Variants in POLA1 observed in about 807,000 individuals in gnomAD.
The protein encoded by POLA1 is DNA polymerase alpha 1, catalytic subunit, also known as DNA polymerase alpha catalytic subunit.
In POLA1, 15 loss-of-function variants were observed where a neutral mutation model predicts 124.0. The ratio of observed to expected loss-of-function variants is 0.12; its 90% confidence interval spans 0.08 to 0.19. The LOEUF (loss-of-function observed/expected upper bound fraction) is 0.19, where lower values mean the gene tolerates loss of function less well. Ranked by LOEUF, POLA1 falls within the 10% of genes least tolerant of loss-of-function variation. POLA1 has a pLI of 1.00. For missense variants in POLA1, 886 were observed against 1,103.4 expected (o/e 0.80, Z 2.79); for synonymous variants, 408 against 389.4 (o/e 1.05, Z -0.56).
chrX:24,728,504 A>G (rs1930684160), intron 15 of POLA1, among the ~76,000 whole-genome samples: 1 of 112,223 alleles, frequency 8.9e-6, no homozygotes, highest in Admixed American at 9.5e-5. Flanking sequence ...GATTCACACA[A>G]GATTCGCAGA....
chrX:24,864,351 T>G (rs758402920), intron 34 of POLA1, among the ~76,000 whole-genome samples: 3 of 112,043 alleles, frequency 2.7e-5, no homozygotes, highest in Non-Finnish European at 5.6e-5. Context: ...CCAAATGAAT[T>G]TGAGCAAATT....
In POLA1 at chrX:24,741,889, C is replaced by T. The variant is rs111406878; in HGVS notation, c.2347-113C>T. The T allele has an allele frequency of 3.1e-5, 16 of 518,242 alleles. 1 individual carries two copies. The highest frequency in any genetic ancestry group is 1.5e-4 in the African/African-American group (6 of 39,765). 42.7% of individuals were successfully genotyped at this position (518,242 alleles called of 1,213,427 possible). A position where few individuals can be genotyped will look rare whatever the true frequency, so the allele number is the denominator to read the frequency against. On this transcript the variant is annotated intron_variant, in intron 21 of 36. Coordinates refer to ENST00000379068, the MANE Select transcript of POLA1 (RefSeq NM_001330360.2). ...TTTTTTTTTTAAAAAAAAAGCAGAC[C>T]GTTATTAGGAATAGTTTTGAAGGAG...
At chrX:24,931,664 T>C (rs141028435) in intron 36 of POLA1, among the ~76,000 whole-genome samples, 112 of 112,223 alleles carry the variant, frequency 1.0e-3, no homozygotes, top group Non-Finnish European at 4.5e-4. Context: ...ATACAGAGAA[T>C]AAATTTATTC....
intron 26 of POLA1, among the ~76,000 whole-genome samples, chrX:24,786,177 C>T (rs1486353620): frequency 8.9e-6 from 1 of 112,184 alleles, no homozygotes; most frequent in Non-Finnish European, 1.9e-5. Context: ...TGAACATGGG[C>T]GTACAGAAAA....
At chrX:24,950,796 CCTT>C (rs1413921289) in intron 36 of POLA1, among the ~76,000 whole-genome samples, 1 of 111,819 alleles carries the variant, frequency 8.9e-6, no homozygotes, top group Non-Finnish European at 1.9e-5. Context: ...AAGACCATCT[CCTT>C]CCCTGGTGTT....
intron 35 of POLA1, among the ~76,000 whole-genome samples, chrX:24,907,181 ACT>A (rs1444301278): frequency 9.0e-6 from 1 of 110,978 alleles, no homozygotes; most frequent in Non-Finnish European, 1.9e-5. Context: ...ACAGAGCAAG[ACT>A]CTGTCTTAAA....
chrX:24,843,283 G>GTGGATAAAAT (rs2046432571), intron 33 of POLA1, among the ~76,000 whole-genome samples: 2 of 111,721 alleles, frequency 1.8e-5, no homozygotes, highest in Non-Finnish European at 3.8e-5. Flanking sequence ...TATCCATAGA[G>GTGGATAAAAT]TCCCTCGTAT....
intron 26 of POLA1, chrX:24,789,085 C>G (rs757445036): frequency 1.7e-5 from 20 of 1,199,650 alleles, no homozygotes; most frequent in Non-Finnish European, 1.9e-5. Flanking sequence ...CGGCTGTATC[C>G]GAGAGCTGGG....
At position 24,749,079 on chromosome X, in the gene POLA1, C is replaced by T. The variant is rs753658430; in HGVS notation, c.2964+87C>T. 44 of 705,119 alleles carry T rather than the reference C, an allele frequency of 6.2e-5. 1 individual carries two copies. The highest frequency in any genetic ancestry group is 9.2e-5 in the Non-Finnish European group (42 of 457,454). 58.1% of individuals were successfully genotyped at this position (705,119 alleles called of 1,213,427 possible). A position where few individuals can be genotyped will look rare whatever the true frequency, so the allele number is the denominator to read the frequency against. ...TAGTGTGGGAGAGTCAAGTTTATTA[C>T]CTAGTTGTACAGCATCAAATACAGT... On this transcript the variant is annotated intron_variant, in intron 26 of 36. Transcript: ENST00000379068.
At chrX:24,872,567 A>C (rs1291100510) in intron 34 of POLA1, among the ~76,000 whole-genome samples, 1 of 111,751 alleles carries the variant, frequency 8.9e-6, no homozygotes. Flanking sequence ...ATTCTAACAG[A>C]GAAAATGACC....
intron 26 of POLA1, among the ~76,000 whole-genome samples, chrX:24,768,659 T>C (rs2044962430): frequency 8.9e-6 from 1 of 112,172 alleles, no homozygotes; most frequent in African/African-American, 3.2e-5. Flanking sequence ...AAAAATAGCC[T>C]ATTTTTAGGC....
intron 34 of POLA1, among the ~76,000 whole-genome samples, chrX:24,864,089 C>G (rs2046758506): frequency 9.1e-6 from 1 of 110,108 alleles, no homozygotes; most frequent in Non-Finnish European, 1.9e-5. Flanking sequence ...TCAAGTGATT[C>G]TCCTGCCTCA....
chrX:24,745,899 C>T (rs1422577699), intron 24 of POLA1, among the ~76,000 whole-genome samples: 1 of 111,607 alleles, frequency 9.0e-6, no homozygotes, highest in Non-Finnish European at 1.9e-5. Context: ...CGGTATCTGG[C>T]TTATTTCACT....
intron 26 of POLA1, among the ~76,000 whole-genome samples, chrX:24,762,800 T>C (rs1932820398): frequency 9.0e-6 from 1 of 110,517 alleles, no homozygotes; most frequent in Non-Finnish European, 1.9e-5. Flanking sequence ...TACAGTGGCA[T>C]GATCTTGGCT....
intron 26 of POLA1, among the ~76,000 whole-genome samples, chrX:24,764,585 C>T (rs1932857430): frequency 8.9e-6 from 1 of 112,251 alleles, no homozygotes; most frequent in Non-Finnish European, 1.9e-5. Flanking sequence ...TTTGTTCACT[C>T]AGTTTTACTA....
chrX:24,795,095 C>T (rs1241725364), intron 26 of POLA1, among the ~76,000 whole-genome samples: 1 of 110,830 alleles, frequency 9.0e-6, no homozygotes, highest in Non-Finnish European at 1.9e-5. Context: ...TTTACATGCT[C>T]TTAGCTTTGG....
intron 1 of POLA1, among the ~76,000 whole-genome samples, chrX:24,698,573 G>A (rs1313740857): frequency 5.4e-5 from 6 of 111,817 alleles, no homozygotes; most frequent in African/African-American, 1.6e-4. Flanking sequence ...GTTGCTACTT[G>A]TCTCCCATGT....
chrX:24,724,876 C>G (rs2148358943), intron 12 of POLA1, among the ~76,000 whole-genome samples: 1 of 111,946 alleles, frequency 8.9e-6, no homozygotes, highest in Non-Finnish European at 1.9e-5. Flanking sequence ...ATCTCTGGTT[C>G]ATGTGCTAGT....
intron 4 of POLA1, among the ~76,000 whole-genome samples, chrX:24,707,931 G>A (rs762493417): frequency 1.2e-4 from 13 of 111,901 alleles, no homozygotes; most frequent in Non-Finnish European, 2.3e-4. Flanking sequence ...GGAGGCAGAG[G>A]TTGCAGTGAG....
Sources: allele counts gnomAD v4.1 joint callset (sites outside exome capture counted in the v4.1 genomes callset), GRCh38; gene constraint gnomAD v4.1.1; transcripts MANE v1.5; gene names NCBI Gene and HGNC (gene_info 2026-07-23, HGNC 2026-07-21).